The following EXT1 variants were observed in gnomAD, a reference collection of about 807,000 sequenced individuals.
The protein encoded by EXT1 is exostosin-1.
Under a neutral mutation model 82.5 loss-of-function variants are expected in EXT1, and 20 were observed. The ratio of observed to expected loss-of-function variants is 0.24; its 90% CI spans 0.17 to 0.35. The LOEUF (loss-of-function observed/expected upper bound fraction) is 0.35. Among genes scored for constraint, EXT1 ranks in the 10% least tolerant of loss-of-function variants. The pLI, the probability that EXT1 is intolerant of heterozygous loss-of-function variation, is 1.00. For missense variants in EXT1, 757 were observed against 936.5 expected, an observed-to-expected ratio of 0.81 and a Z score of 2.50; for synonymous variants, 348 against 350.8, an observed-to-expected ratio of 0.99 and a Z score of 0.09.
intron 1 of EXT1, among the ~76,000 whole-genome samples, chr8:117,996,440 GAT>G (rs1319948548): frequency 6.6e-6 from 1 of 152,218 alleles, no homozygotes; most frequent in African/African-American, 2.4e-5. Flanking sequence ...GGTCAGTACA[GAT>G]ATAGCATATT....
intron 1 of EXT1, among the ~76,000 whole-genome samples, chr8:118,043,913 T>C (rs1421700923): frequency 3.3e-5 from 5 of 152,194 alleles, no homozygotes; most frequent in Admixed American, 6.5e-5. Flanking sequence ...TACAGAATAA[T>C]AACAATATTG....
intron 1 of EXT1, among the ~76,000 whole-genome samples, chr8:117,984,503 C>A (rs142138670): frequency 1.4e-3 from 211 of 151,498 alleles, no homozygotes; most frequent in Admixed American, 3.7e-3. Flanking sequence ...TTAAGGAACG[C>A]CTCCCTCATG....
intron 1 of EXT1, among the ~76,000 whole-genome samples, chr8:117,989,839 T>A (rs1185390571): frequency 6.6e-6 from 1 of 152,034 alleles, no homozygotes; most frequent in Non-Finnish European, 1.5e-5. Context: ...TGACAGCAAC[T>A]ATGCCAAAAA....
At chr8:117,913,830 GAAC>G (rs1404508722) in intron 1 of EXT1, among the ~76,000 whole-genome samples, 1 of 152,124 alleles carries the variant, frequency 6.6e-6, no homozygotes, top group African/African-American at 2.4e-5. Context: ...TTGGAAGAAT[GAAC>G]AACTCATTCC....
At chr8:118,001,161 C>T (rs1815656755) in intron 1 of EXT1, among the ~76,000 whole-genome samples, 1 of 152,088 alleles carries the variant, frequency 6.6e-6, no homozygotes, top group South Asian at 2.1e-4. Flanking sequence ...TTTCTCAATT[C>T]TCTACTGTAC....
At chr8:118,020,589 A>G (rs1178610089) in intron 1 of EXT1, among the ~76,000 whole-genome samples, 5 of 152,172 alleles carry the variant, frequency 3.3e-5, no homozygotes. Flanking sequence ...TCTTGCTGTC[A>G]TAGTCTTCTT....
At chr8:117,888,099 T>C (rs1416437140) in intron 1 of EXT1, among the ~76,000 whole-genome samples, 2 of 149,512 alleles carry the variant, frequency 1.3e-5, no homozygotes, top group African/African-American at 2.5e-5. Context: ...ATAATAATAA[T>C]AATAATAATT....
At chr8:117,936,843 C>G (rs962238336) in intron 1 of EXT1, among the ~76,000 whole-genome samples, 6 of 152,054 alleles carry the variant, frequency 3.9e-5, no homozygotes, top group Non-Finnish European at 8.8e-5. Context: ...CCACTGCACT[C>G]CAGCCTGGGC....
intron 1 of EXT1, among the ~76,000 whole-genome samples, chr8:118,091,805 C>T (rs1817531201): frequency 6.6e-6 from 1 of 151,860 alleles, no homozygotes; most frequent in Non-Finnish European, 1.5e-5. Context: ...ATATATGTAT[C>T]TTCTAAACTT....
intron 1 of EXT1, among the ~76,000 whole-genome samples, chr8:118,060,410 C>T (rs1270996414): frequency 6.6e-6 from 1 of 152,114 alleles, no homozygotes. Context: ...CTGAAAGACT[C>T]GAAGGTCTAG....
intron 1 of EXT1, among the ~76,000 whole-genome samples, chr8:117,933,902 G>C (rs1563605563): frequency 1.3e-5 from 2 of 152,066 alleles, no homozygotes; most frequent in African/African-American, 4.8e-5. Context: ...GGCTCCTGCT[G>C]TCCAGCCTTG....
rs1813448409 is a variant in EXT1 at position 117,901,532 on chromosome 8, G to A, written c.963-64331C>T. ...GACTTTATAAACACTGTACACTCAG[G>A]CTACACTACATTTATTTTAAATTTT... On this transcript the variant is annotated intron_variant, in intron 1 of 10. Coordinates refer to ENST00000378204, the MANE Select transcript of EXT1 (RefSeq NM_000127.3). Among the ~76,000 whole-genome samples, 9 of 152,142 alleles carry A rather than the reference G, an allele frequency of 5.9e-5. No individual in the cohort carries two copies. In the South Asian group the frequency reaches 1.9e-3, roughly 32 times the overall value.
chr8:118,109,453 G>A (rs1165209043), intron 1 of EXT1, among the ~76,000 whole-genome samples: 1 of 151,722 alleles, frequency 6.6e-6, no homozygotes, highest in East Asian at 1.9e-4. Context: ...ATGCATGCAT[G>A]CATGCATGCA....
chr8:117,870,822 G>GTC (rs1186131168), intron 1 of EXT1, among the ~76,000 whole-genome samples: 1 of 85,204 alleles, frequency 1.2e-5, no homozygotes, highest in Admixed American at 9.9e-5. Context: ...TAAATGCTTT[G>GTC]TCACACACAC....
intron 1 of EXT1, among the ~76,000 whole-genome samples, chr8:118,054,532 C>T (rs1190727862): frequency 6.6e-6 from 1 of 152,234 alleles, no homozygotes; most frequent in African/African-American, 2.4e-5. Flanking sequence ...GTGCCCCACA[C>T]TTTGGCCAAG....
At chr8:117,952,380 C>T (rs1484969365) in intron 1 of EXT1, among the ~76,000 whole-genome samples, 1 of 152,166 alleles carries the variant, frequency 6.6e-6, no homozygotes, top group East Asian at 1.9e-4. Context: ...TACTGCCTTC[C>T]AGGTAGCCTG....
At chr8:117,887,561 A>G (rs1317020295) in intron 1 of EXT1, among the ~76,000 whole-genome samples, 2 of 152,062 alleles carry the variant, frequency 1.3e-5, no homozygotes, top group African/African-American at 4.8e-5. Context: ...CATGTTGGCC[A>G]GGATGGTCTC....
rs941692643 is a variant in EXT1, at chr8:118,090,648, G to A, written c.962+19437C>T. 1.9e-4 allele frequency among the ~76,000 whole-genome samples: 29 copies of A among 151,288 alleles called. 1 individual carries two copies. The highest frequency in any genetic ancestry group is 6.1e-4 in the African/African-American group (25 of 41,188). ...CAAAAAATTAACTGCGCATGGTGGC[G>A]GGTGCCTGTAATCCCAGCTACTCGG... is the stretch of plus-strand genomic sequence containing the variant. On this transcript the variant is annotated intron_variant, in intron 1 of 10. Coordinates refer to ENST00000378204, the MANE Select transcript of EXT1 (RefSeq NM_000127.3).
At chr8:118,080,702 C>A (rs1245839815) in intron 1 of EXT1, among the ~76,000 whole-genome samples, 1 of 152,078 alleles carries the variant, frequency 6.6e-6, no homozygotes, top group Admixed American at 6.6e-5. Context: ...AGAACCTGAG[C>A]AATGAACTTA....
Sources: gnomAD v4.1 joint callset for allele counts (sites outside exome capture counted in the v4.1 genomes callset) on GRCh38, gnomAD v4.1.1 for gene constraint, MANE v1.5 for transcripts, NCBI Gene and HGNC (gene_info 2026-07-23, HGNC 2026-07-21) for gene names.